The following AFG2A variants were observed in gnomAD, a reference collection of about 807,000 sequenced individuals.
The protein encoded by AFG2A is ATPase family gene 2 protein homolog A.
the AFG2A span, among the ~76,000 whole-genome samples, chr4:123,221,723 G>A: frequency 1.3e-5 from 2 of 151,976 alleles, no homozygotes; most frequent in Admixed American, 1.3e-4. Flanking sequence ...TCAGGAGTTC[G>A]AGACCAGCCT....
the AFG2A span, chr4:123,314,149 AT>A: frequency 1.7e-6 from 2 of 1,210,120 alleles, no homozygotes; most frequent in Non-Finnish European, 2.2e-6. Context: ...GTTAAAAAAA[AT>A]TTTACTAGGC....
chr4:122,970,980 G>A, the AFG2A span, among the ~76,000 whole-genome samples: 1 of 152,106 alleles, frequency 6.6e-6, no homozygotes, highest in Non-Finnish European at 1.5e-5. Context: ...TAGAGACAGG[G>A]TTTCACTATG....
At chr4:123,178,198 T>C in the AFG2A span, among the ~76,000 whole-genome samples, 1 of 152,236 alleles carries the variant, frequency 6.6e-6, no homozygotes, top group Admixed American at 6.5e-5. Flanking sequence ...GCTTTTAGTG[T>C]AACCATCACT....
the AFG2A span, among the ~76,000 whole-genome samples, chr4:123,143,182 G>GAA: frequency 0.024 from 3,122 of 130,764 alleles, 58 homozygotes; most frequent in Non-Finnish European, 0.039. Flanking sequence ...AGTTTTTCCA[G>GAA]AAAAAAAAAA....
chr4:123,180,441 T>C, the AFG2A span, among the ~76,000 whole-genome samples: 3 of 152,220 alleles, frequency 2.0e-5, no homozygotes, highest in South Asian at 2.1e-4. Context: ...ACTACTGATA[T>C]CTAAATCCCT....
the AFG2A span, among the ~76,000 whole-genome samples, chr4:123,073,681 C>A: frequency 5.9e-5 from 9 of 152,124 alleles, no homozygotes; most frequent in Non-Finnish European, 1.2e-4. Context: ...GTTTCTTAAT[C>A]TTAGTAATTT....
the AFG2A span, among the ~76,000 whole-genome samples, chr4:122,989,219 A>C: frequency 5.5e-4 from 83 of 152,266 alleles, 1 homozygote; most frequent in Admixed American, 4.6e-4. Flanking sequence ...AAAAGTAAAC[A>C]ACACTTCTTG....
the AFG2A span, among the ~76,000 whole-genome samples, chr4:122,943,970 C>T: frequency 1.3e-5 from 2 of 152,052 alleles, no homozygotes; most frequent in Non-Finnish European, 2.9e-5. Context: ...GGCCCCCACT[C>T]TCTTCTGGCT....
the AFG2A span, among the ~76,000 whole-genome samples, chr4:122,958,063 CTT>C: frequency 2.6e-5 from 4 of 152,108 alleles, no homozygotes; most frequent in African/African-American, 7.2e-5. Context: ...GGAATCATCT[CTT>C]TTTTTCCACT....
At chr4:123,319,413 A>G in the AFG2A span, 1 of 152,244 alleles carries the variant, frequency 6.6e-6, no homozygotes, top group Non-Finnish European at 1.5e-5. Context: ...TGTATGGATT[A>G]AATTAACACT....
At chr4:123,264,963 GA>G in the AFG2A span, among the ~76,000 whole-genome samples, 1 of 152,104 alleles carries the variant, frequency 6.6e-6, no homozygotes, top group South Asian at 2.1e-4. Flanking sequence ...AGTCTGTCCA[GA>G]AAGCTGGGAT....
the AFG2A span, among the ~76,000 whole-genome samples, chr4:122,977,694 G>A: frequency 2.0e-5 from 3 of 152,230 alleles, no homozygotes; most frequent in African/African-American, 7.2e-5. Flanking sequence ...CCATTTGGAA[G>A]GTCCTGAGTT....
chr4:122,939,277 G>C, the AFG2A span, among the ~76,000 whole-genome samples: 1 of 151,618 alleles, frequency 6.6e-6, no homozygotes, highest in Non-Finnish European at 1.5e-5. Context: ...TAGAGACGGG[G>C]TTTCTCCATG....
At chr4:122,967,101 T>TA in the AFG2A span, among the ~76,000 whole-genome samples, 5 of 152,194 alleles carry the variant, frequency 3.3e-5, no homozygotes, top group African/African-American at 1.2e-4. Flanking sequence ...GAACTATTTT[T>TA]AAAAAATATT....
At chr4:122,963,962 T>G in the AFG2A span, among the ~76,000 whole-genome samples, 2 of 152,302 alleles carry the variant, frequency 1.3e-5, no homozygotes, top group Admixed American at 6.5e-5. Flanking sequence ...TTCTCTTACC[T>G]GGGCCCTGAC....
the AFG2A span, among the ~76,000 whole-genome samples, chr4:123,063,307 A>G: frequency 1.3e-5 from 2 of 152,238 alleles, no homozygotes; most frequent in African/African-American, 2.4e-5. Flanking sequence ...AAAACAGAGA[A>G]AAATTTCATA....
the AFG2A span, among the ~76,000 whole-genome samples, chr4:123,187,774 T>G: frequency 6.6e-6 from 1 of 152,114 alleles, no homozygotes; most frequent in African/African-American, 2.4e-5. Flanking sequence ...GGTGGGAGGA[T>G]CTCTTGAACC....
chr4:123,244,017 A>G, the AFG2A span, among the ~76,000 whole-genome samples: 1 of 152,154 alleles, frequency 6.6e-6, no homozygotes, highest in African/African-American at 2.4e-5. Context: ...GCAAGACCCC[A>G]TCTCAAATAA....
At chr4:123,043,174 A>G in the AFG2A span, among the ~76,000 whole-genome samples, 2 of 152,078 alleles carry the variant, frequency 1.3e-5, no homozygotes, top group Non-Finnish European at 2.9e-5. Flanking sequence ...TTCTTGCAGC[A>G]CTTGTCCTCC....
Sources: gnomAD v4.1 joint callset for allele counts (sites outside exome capture counted in the v4.1 genomes callset) on GRCh38, gnomAD v4.1.1 for gene constraint, MANE v1.5 for transcripts, NCBI Gene and HGNC (gene_info 2026-07-23, HGNC 2026-07-21) for gene names.